Variants in DCC observed in about 807,000 individuals in gnomAD.
The protein encoded by DCC is DCC netrin 1 receptor, also known as netrin receptor DCC.
Under a neutral mutation model 172.5 loss-of-function variants are expected in DCC, and 58 were observed. The ratio of observed to expected loss-of-function variants is 0.34; its 90% CI spans 0.27 to 0.42. The LOEUF (loss-of-function observed/expected upper bound fraction) is 0.42, where lower values mean the gene tolerates loss of function less well. Ranked by LOEUF, DCC falls within the 10% of genes least tolerant of loss-of-function variation. The pLI is 1.00. For missense variants in DCC, 1,740 were observed against 1,791.0 expected (o/e 0.97, Z 0.51); for synonymous variants, 709 against 644.5 (o/e 1.10, Z -1.52).
At chr18:52,919,641 T>C (rs1391260280) in intron 3 of DCC, among the ~76,000 whole-genome samples, 1 of 152,076 alleles carries the variant, frequency 6.6e-6, no homozygotes, top group Non-Finnish European at 1.5e-5. Context: ...GGTTCTTTTT[T>C]TTTTTGGCTG....
intron 7 of DCC, among the ~76,000 whole-genome samples, chr18:53,151,219 T>G (rs1267346277): frequency 6.6e-6 from 1 of 152,208 alleles, no homozygotes; most frequent in African/African-American, 2.4e-5. Flanking sequence ...ATGTACAAAT[T>G]AAATAGGTAT....
chr18:53,181,750 C>T (rs2055200874), intron 9 of DCC, among the ~76,000 whole-genome samples: 1 of 152,074 alleles, frequency 6.6e-6, no homozygotes, highest in Non-Finnish European at 1.5e-5. Context: ...ATTTATGGAT[C>T]TCAGCAGATT....
chr18:53,048,489 TTGTGTGTGTGTGTGTGTGTG>T (rs71175550), intron 5 of DCC, among the ~76,000 whole-genome samples: 1 of 139,356 alleles, frequency 7.2e-6, no homozygotes. Context: ...ACTCCATGGT[TTGTGTGTGTGTGTGTGTGTG>T]TGTGTGTGTG....
At chr18:52,603,649 T>A in intron 1 of DCC, among the ~76,000 whole-genome samples, 1 of 147,490 alleles carries the variant, frequency 6.8e-6, no homozygotes, top group African/African-American at 2.5e-5. Flanking sequence ...AAAACAAAAA[T>A]TGACAAAGCA....
intron 1 of DCC, chr18:52,419,752 T>C (rs1191694631): frequency 6.6e-6 from 1 of 152,138 alleles, no homozygotes; most frequent in Admixed American, 6.5e-5. Context: ...TGTCCACTTA[T>C]TGTTATTTCC....
chr18:52,615,119 T>C (rs2034355727), intron 1 of DCC, among the ~76,000 whole-genome samples: 1 of 152,156 alleles, frequency 6.6e-6, no homozygotes, highest in Admixed American at 6.5e-5. Context: ...TTGGAAAATA[T>C]TAATTTTGAG....
chr18:52,921,255 G>T (rs1313475040), intron 3 of DCC, among the ~76,000 whole-genome samples: 1 of 152,172 alleles, frequency 6.6e-6, no homozygotes, highest in Admixed American at 6.5e-5. Context: ...TGTAATAGGA[G>T]AAACTGCATT....
intron 12 of DCC, among the ~76,000 whole-genome samples, chr18:53,233,471 C>G (rs1342292284): frequency 6.6e-6 from 1 of 152,110 alleles, no homozygotes; most frequent in Non-Finnish European, 1.5e-5. Flanking sequence ...ATATTTGAAG[C>G]CGATTTTTTT....
At position 53,429,000 on chromosome 18, in the gene DCC, T is replaced by C. The variant is rs1485606788; in HGVS notation, c.3164-6144T>C. Reference sequence around the variant, plus strand: ...ATATATATATTTTATATATTTTTTATATAATATATATTTTATATATTTTTT... The same window carrying C: ...ATATATATATTTTATATATTTTTTACATAATATATATTTTATATATTTTTT... On this transcript the variant is annotated intron_variant, in intron 21 of 28. Transcript: ENST00000442544. Among the ~76,000 whole-genome samples the C allele has an allele frequency of 1.2e-4, 6 of 51,270 alleles. 2 individuals are homozygous for C. The highest frequency in any genetic ancestry group is 2.2e-4 in the Non-Finnish European group (5 of 22,570). 33.6% of individuals were successfully genotyped at this position (51,270 alleles called of 152,430 possible).
intron 2 of DCC, among the ~76,000 whole-genome samples, chr18:52,794,906 T>G (rs2037843666): frequency 6.6e-6 from 1 of 152,094 alleles, no homozygotes; most frequent in African/African-American, 2.4e-5. Flanking sequence ...TTGTCCCTCT[T>G]CTATTGATGT....
chr18:53,479,933 G>A (rs1167627756), intron 25 of DCC, among the ~76,000 whole-genome samples: 1 of 152,112 alleles, frequency 6.6e-6, no homozygotes, highest in African/African-American at 2.4e-5. Flanking sequence ...AAGGCAAATG[G>A]ATTCACAATT....
intron 7 of DCC, among the ~76,000 whole-genome samples, chr18:53,092,325 C>A (rs537085422): frequency 6.6e-6 from 1 of 152,222 alleles, no homozygotes; most frequent in Admixed American, 6.5e-5. Flanking sequence ...AGCAAGTGAA[C>A]TATGTAAATA....
Position 53,291,190 on chromosome 18 carries a change from T to G in DCC, c.1912-14388T>G, listed in dbSNP as rs1368295266. Among the ~76,000 whole-genome samples, 3 of 152,008 alleles carry G rather than the reference T, an allele frequency of 2.0e-5. No homozygotes were observed. In the East Asian group the frequency reaches 5.8e-4, roughly 29 times the overall value. ...TTCGAAAAAAAAAAGAAAAAAGATA[T>G]TGGAGTATAAGATATTGTAAAAATT... On this transcript the variant is annotated intron_variant, in intron 12 of 28. Coordinates refer to ENST00000442544, the MANE Select transcript of DCC (RefSeq NM_005215.4).
intron 2 of DCC, among the ~76,000 whole-genome samples, chr18:52,856,055 G>C (rs950067131): frequency 6.6e-6 from 1 of 151,706 alleles, no homozygotes; most frequent in South Asian, 2.1e-4. Flanking sequence ...GTGAGCCACC[G>C]CGCCCCGCCA....
intron 27 of DCC, among the ~76,000 whole-genome samples, chr18:53,513,827 C>T (rs980566515): frequency 1.3e-5 from 2 of 149,172 alleles, no homozygotes; most frequent in Non-Finnish European, 3.0e-5. Flanking sequence ...TCCTGAGTGA[C>T]CTACAAAGCG....
At chr18:52,923,655 A>T in intron 3 of DCC, 52 bp from the exon 4 acceptor site, 1 of 1,364,012 alleles carries the variant, frequency 7.3e-7, no homozygotes, top group South Asian at 1.2e-5. Flanking sequence ...TATATCATTT[A>T]TCTTTGCAAT....
At chr18:52,543,995 T>G (rs570061234) in intron 1 of DCC, among the ~76,000 whole-genome samples, 258 of 152,278 alleles carry the variant, frequency 1.7e-3, no homozygotes, top group African/African-American at 5.1e-3. Flanking sequence ...TTGTCAAAAA[T>G]TCAAAACTCA....
chr18:52,618,935 C>T (rs2034432261), intron 1 of DCC, among the ~76,000 whole-genome samples: 1 of 151,970 alleles, frequency 6.6e-6, no homozygotes, highest in African/African-American at 2.4e-5. Flanking sequence ...TGCTACATTT[C>T]ATCTTTTTAT....
intron 1 of DCC, among the ~76,000 whole-genome samples, chr18:52,574,416 CA>C (rs1195050830): frequency 1.3e-5 from 2 of 152,144 alleles, no homozygotes; most frequent in Non-Finnish European, 2.9e-5. Flanking sequence ...TCAATAATAG[CA>C]ATATCTCTTT....
Sources: gnomAD v4.1 joint callset for allele counts (sites outside exome capture counted in the v4.1 genomes callset) on GRCh38, gnomAD v4.1.1 for gene constraint, MANE v1.5 for transcripts, NCBI Gene and HGNC (gene_info 2026-07-23, HGNC 2026-07-21) for gene names.